COBL: variants seen among roughly 807,000 people sequenced by gnomAD.
COBL encodes the protein cordon-bleu WH2 repeat protein.
A neutral mutation model predicts 98.8 loss-of-function variants in COBL; 51 were observed. The observed-to-expected ratio is 0.52, with a 90% CI of 0.41 to 0.65. The LOEUF is 0.65. COBL is among the 30% of genes least tolerant of loss of function. COBL has a pLI of 0.00. For synonymous variants in COBL, 634 were observed against 651.7 expected, an observed-to-expected ratio of 0.97 and a Z score of 0.41; for missense variants, 1,617 against 1,617.5, an observed-to-expected ratio of 1.00 and a Z score of 0.01.
chr7:51,180,393 T>C (rs1327373836), intron 5 of COBL, among the ~76,000 whole-genome samples: 5 of 152,184 alleles, frequency 3.3e-5, no homozygotes, highest in Non-Finnish European at 7.3e-5. Flanking sequence ...AGAAATTCAC[T>C]GAATTCATAC....
intron 7 of COBL, chr7:51,073,288 G>T: frequency 1.5e-6 from 1 of 652,700 alleles, no homozygotes; most frequent in South Asian, 1.7e-5. Context: ...GAAAATCAGA[G>T]CCAGGGCAGA....
chr7:51,111,470 T>A (rs973862731), intron 6 of COBL, among the ~76,000 whole-genome samples: 1 of 152,192 alleles, frequency 6.6e-6, no homozygotes, highest in African/African-American at 2.4e-5. Context: ...GCTGCATAAT[T>A]GTAAGCAGGA....
At position 51,209,447 on chromosome 7, in the gene COBL, G is replaced by A. The variant is rs187714762; in HGVS notation, c.245+10294C>T. On this transcript the variant is annotated intron_variant, in intron 2 of 12. Coordinates refer to ENST00000265136, the MANE Select transcript of COBL (RefSeq NM_015198.5). ...CCCCAACCCTCCAGAACCCCACAGC[G>A]GGGCGTGCAGGTTAATAACTACCAT... 3.0e-3 allele frequency among the ~76,000 whole-genome samples: 450 copies of A among 152,276 alleles called. 1 individual carries two copies. The highest frequency in any genetic ancestry group is 9.5e-3 in the African/African-American group (395 of 41,562).
chr7:51,134,182 C>T (rs1159842774), intron 6 of COBL, among the ~76,000 whole-genome samples: 2 of 152,114 alleles, frequency 1.3e-5, no homozygotes, highest in African/African-American at 4.8e-5. Flanking sequence ...GGTTCCTTTT[C>T]CAGAAATTAG....
chr7:51,088,400 G>GT lies in COBL; in HGVS notation c.958-3097dup, dbSNP rs11293330. On this transcript the variant is annotated intron_variant, in intron 6 of 12. Coordinates refer to ENST00000265136, the MANE Select transcript of COBL (RefSeq NM_015198.5). The stretch of plus-strand genomic sequence containing the variant: ...CTCATGAATTTTTAAATTAGTTACT[G>GT]TTTTTTTTTTGTTTTTTGTTTTTAA... Among the ~76,000 whole-genome samples, 599 of 146,898 alleles carry GT rather than the reference G, an allele frequency of 4.1e-3. 2 individuals carry two copies. The highest frequency in any genetic ancestry group is 0.011 in the African/African-American group (446 of 40,010).
chr7:51,071,178 A>G (rs1282026444), intron 7 of COBL: 2 of 152,216 alleles, frequency 1.3e-5, no homozygotes, highest in Non-Finnish European at 2.9e-5. Context: ...ACATGATGGA[A>G]AAAAGAAACA....
At chr7:51,262,688 A>T (rs1797823624) in intron 1 of COBL, among the ~76,000 whole-genome samples, 1 of 152,176 alleles carries the variant, frequency 6.6e-6, no homozygotes, top group Non-Finnish European at 1.5e-5. Context: ...GATTTACATG[A>T]CAGATGTGTG....
At chr7:51,034,905 G>A (rs1342263211) in intron 8 of COBL, 1 of 152,198 alleles carries the variant, frequency 6.6e-6, no homozygotes, top group Non-Finnish European at 1.5e-5. Flanking sequence ...TTGATATCAG[G>A]CTGCATGTGT....
In COBL at chr7:51,259,801, G is replaced by A. The variant is rs1405960129; in HGVS notation, c.42-39857C>T. ...GCAGCATTTTTAGGTTCTGGGGGGTGACTTTTACAAAGATACCACTAAAAA... is the reference window on the plus strand; with the variant it reads ...GCAGCATTTTTAGGTTCTGGGGGGTAACTTTTACAAAGATACCACTAAAAA... On this transcript the variant is annotated intron_variant, in intron 1 of 12. Transcript: ENST00000265136. The A allele has an allele frequency of 8.0e-6, 6 of 751,806 alleles. No homozygotes were observed. The East Asian group carries it at 1.5e-4, about 18-fold the overall frequency. 46.6% of individuals were successfully genotyped at this position (751,806 alleles called of 1,614,324 possible). A position where few individuals can be genotyped will look rare whatever the true frequency, so the allele number is the denominator to read the frequency against.
chr7:51,084,432 A>G (rs1793999927), intron 7 of COBL, among the ~76,000 whole-genome samples: 1 of 152,082 alleles, frequency 6.6e-6, no homozygotes. Context: ...CCATTTTCCA[A>G]CCACTCCATG....
chr7:51,059,010 T>C (rs1040639460), intron 7 of COBL, among the ~76,000 whole-genome samples: 1 of 152,130 alleles, frequency 6.6e-6, no homozygotes, highest in African/African-American at 2.4e-5. Context: ...GTCACTGGGG[T>C]GTCCGAATTG....
intron 6 of COBL, among the ~76,000 whole-genome samples, chr7:51,121,607 G>A (rs1455425472): frequency 6.6e-6 from 1 of 152,140 alleles, no homozygotes; most frequent in Admixed American, 6.5e-5. Flanking sequence ...GAGCAGTCAA[G>A]GCTGAGTTCA....
chr7:51,307,821 G>C (rs1329211034), intron 1 of COBL, among the ~76,000 whole-genome samples: 2 of 152,216 alleles, frequency 1.3e-5, no homozygotes, highest in African/African-American at 4.8e-5. Context: ...TTAGAGCGTT[G>C]TCACAGCATG....
intron 1 of COBL, among the ~76,000 whole-genome samples, chr7:51,290,036 G>A (rs1800741008): frequency 6.6e-6 from 1 of 152,152 alleles, no homozygotes; most frequent in Non-Finnish European, 1.5e-5. Context: ...TGGCAGCTCA[G>A]GAAAACAGAA....
At chr7:51,268,659 C>T (rs982756563) in intron 1 of COBL, among the ~76,000 whole-genome samples, 3 of 152,008 alleles carry the variant, frequency 2.0e-5, no homozygotes, top group Non-Finnish European at 4.4e-5. Context: ...CAGCTGGGCA[C>T]GGTGGCTCAT....
intron 5 of COBL, among the ~76,000 whole-genome samples, chr7:51,162,578 A>T (rs1786922703): frequency 6.6e-6 from 1 of 152,224 alleles, no homozygotes. Flanking sequence ...CATTTTCTCA[A>T]GAAAAAATAA....
At position 51,193,473 on chromosome 7, in the gene COBL, T is replaced by C. The variant is rs1259267231; in HGVS notation, c.362A>G (p.Asn121Ser). The C allele has an allele frequency of 6.2e-7, 1 of 1,614,094 alleles. No individual in the cohort carries two copies. The highest frequency in any genetic ancestry group is 2.2e-5 in the East Asian group (1 of 44,900). Residue 121 changes from asparagine to serine, a missense_variant, in exon 3 of 13, where the codon AAT becomes AGT. Physicochemically the swap from Asn to Ser is conservative, Grantham distance 46. Around this residue, in one of 3 missense-constraint regions of COBL, gnomAD observed 238 missense variants for 215.0 expected, o/e 1.11. Transcript: ENST00000265136. Reference protein sequence around the residue: ...ETQQPLSFKPNTLIGTLNVHT... With the variant: ...ETQQPLSFKPSTLIGTLNVHT... ...CACATTCAGGGTCCCAATCAAAGTA[T>C]TTGGCTTAAAACTCAAAGGTTGTTG... is the stretch of plus-strand genomic sequence containing the variant.
intron 5 of COBL, among the ~76,000 whole-genome samples, chr7:51,143,145 T>TGGC (rs1420494476): frequency 2.0e-5 from 3 of 152,102 alleles, no homozygotes; most frequent in African/African-American, 7.2e-5. Context: ...AGTGGGGGCT[T>TGGC]GGCAGCAGCA....
At chr7:51,050,168 A>G (rs1583613004) in intron 7 of COBL, among the ~76,000 whole-genome samples, 1 of 152,232 alleles carries the variant, frequency 6.6e-6, no homozygotes, top group Admixed American at 6.5e-5. Context: ...AGAAGGCAAG[A>G]TAATGAAGGA....
Sources: gnomAD v4.1 joint callset for allele counts (sites outside exome capture counted in the v4.1 genomes callset) on GRCh38, gnomAD v4.1.1 for gene constraint, gnomAD v4.1.1 regional missense constraint, MANE v1.5 for transcripts, NCBI Gene and HGNC (gene_info 2026-07-23, HGNC 2026-07-21) for gene names.